Variants in PAK2 observed in about 807,000 individuals in gnomAD.
PAK2 encodes the protein serine/threonine-protein kinase PAK 2.
In PAK2, 21 loss-of-function variants were observed where a neutral mutation model predicts 65.9. The observed-to-expected ratio is 0.32, with a 90% CI of 0.23 to 0.46. The LOEUF (loss-of-function observed/expected upper bound fraction) is 0.46, where lower values mean the gene tolerates loss of function less well. Ranked by LOEUF, PAK2 falls within the 20% of genes least tolerant of loss-of-function variation. The probability of loss-of-function intolerance (pLI) is 1.00; values close to 1 mark genes in which losing one functional copy is unlikely to be tolerated. For missense variants in PAK2, 324 were observed against 642.6 expected (o/e 0.50, Z 5.36); for synonymous variants, 204 against 219.7 (o/e 0.93, Z 0.63).
intron 5 of PAK2, 91 bp from the exon 6 acceptor site, chr3:196,806,488 A>G (rs1715587889): frequency 1.3e-6 from 1 of 765,442 alleles, no homozygotes; most frequent in African/African-American, 1.7e-5. Context: ...CTATCAAAGA[A>G]GCAAACTTTT....
intron 7 of PAK2, 131 bp downstream of exon 7, chr3:196,808,045 C>CA: frequency 1.3e-6 from 1 of 782,458 alleles, no homozygotes; most frequent in Non-Finnish European, 2.0e-6. Context: ...CTTATAGCAA[C>CA]AGTAGCTTCA....
chr3:196,773,730 A>T (rs529392683), intron 1 of PAK2, among the ~76,000 whole-genome samples: 1 of 152,210 alleles, frequency 6.6e-6, no homozygotes, highest in South Asian at 2.1e-4. Context: ...TACAAAAATT[A>T]GCCAGACGTG....
At chr3:196,757,451 G>C (rs1713806002) in intron 1 of PAK2, among the ~76,000 whole-genome samples, 1 of 152,176 alleles carries the variant, frequency 6.6e-6, no homozygotes, top group Non-Finnish European at 1.5e-5. Context: ...TCCCTGCTTA[G>C]TAACTTCTAG....
chr3:196,769,590 T>C (rs1190540020), intron 1 of PAK2, among the ~76,000 whole-genome samples: 3 of 150,790 alleles, frequency 2.0e-5, no homozygotes, highest in Admixed American at 2.0e-4. Context: ...GGCGGGCGGA[T>C]CACGAGGTCA....
intron 1 of PAK2, among the ~76,000 whole-genome samples, chr3:196,759,474 G>A (rs1448428787): frequency 1.5e-5 from 2 of 136,330 alleles, no homozygotes; most frequent in Admixed American, 7.7e-5. Context: ...ACCCTTTAAG[G>A]TATACAGTTA....
At chr3:196,823,231 T>G (rs1711711400) in intron 13 of PAK2, among the ~76,000 whole-genome samples, 1 of 151,744 alleles carries the variant, frequency 6.6e-6, no homozygotes, top group Non-Finnish European at 1.5e-5. Flanking sequence ...GTGGTGTGAG[T>G]CTGGATGTAT....
At chr3:196,769,236 G>A (rs1714281418) in intron 1 of PAK2, among the ~76,000 whole-genome samples, 1 of 151,728 alleles carries the variant, frequency 6.6e-6, no homozygotes, top group South Asian at 2.1e-4. Flanking sequence ...TGAGGTGGGA[G>A]GATTACTTGA....
chr3:196,752,390 A>T (rs1047614916), intron 1 of PAK2, among the ~76,000 whole-genome samples: 1 of 152,122 alleles, frequency 6.6e-6, no homozygotes, highest in African/African-American at 2.4e-5. Context: ...TTGAAAAAAA[A>T]TTTTCTGATC....
chr3:196,826,160 TTTTG>T lies in PAK2; in HGVS notation c.1351-1016_1351-1013del, dbSNP rs200292124. Among the ~76,000 whole-genome samples, 449 of 151,444 alleles carry T rather than the reference TTTTG, an allele frequency of 3.0e-3. 2 individuals carry two copies. Among genetic ancestry groups the T allele is most frequent in the African/African-American group, 9.6e-3 (397 of 41,250 alleles). ...AGCCACCATGCCCAGCCTAATTTGT[TTTTG>T]TTTGTTTGTTTGTTTGTTTATTTTT... is the stretch of plus-strand genomic sequence containing the variant. On this transcript the variant is annotated intron_variant, in intron 13 of 14. Transcript: ENST00000327134.
At chr3:196,812,646 G>A (rs768834529) in intron 9 of PAK2, 93 bp from the exon 10 acceptor site, 5 of 656,876 alleles carry the variant, frequency 7.6e-6, no homozygotes, top group Non-Finnish European at 1.4e-5. Context: ...GTGTAATACA[G>A]TACACGTACC....
chr3:196,803,162 C>G lies in PAK2; in HGVS notation c.434C>G (p.Pro145Arg). Residue 145 changes from proline to arginine, a missense_variant and splice_region_variant, in exon 4 of 15, where the codon CCT (proline) becomes CGT (arginine). Around this residue, in one of 5 missense-constraint regions of PAK2, gnomAD observed 183 missense variants for 246.2 expected, o/e 0.74. Coordinates refer to ENST00000327134, the MANE Select transcript of PAK2 (RefSeq NM_002577.4). ...CAGAAATATCTGAGCTTTACTCCTC[C>G]TGGTAAGAGAGTGGCATAAGGCTGG... Reference protein sequence around the residue: ...VKQKYLSFTPPEKDGFPSGTP... With the variant: ...VKQKYLSFTPREKDGFPSGTP... 6.2e-7 allele frequency: 1 copy of G among 1,602,868 alleles called. No homozygotes were observed. Among genetic ancestry groups the G allele is most frequent in the Non-Finnish European group, 8.5e-7 (1 of 1,175,834 alleles).
chr3:196,811,102 C>A lies in PAK2; in HGVS notation c.773+449C>A, dbSNP rs1715770331. Among the ~76,000 whole-genome samples the A allele has an allele frequency of 2.6e-5, 4 of 151,848 alleles. No individual in the cohort carries two copies. In the South Asian group the frequency reaches 8.3e-4, roughly 31 times the overall value. ...TTTCTGTTGCTTGGAAGCAAATAAACACCTAAATTTTTAATGTTATTAAAC... is the reference window on the plus strand; with the variant it reads ...TTTCTGTTGCTTGGAAGCAAATAAAAACCTAAATTTTTAATGTTATTAAAC... On this transcript the variant is annotated intron_variant, in intron 8 of 14. Coordinates refer to ENST00000327134, the MANE Select transcript of PAK2 (RefSeq NM_002577.4).
intron 2 of PAK2, among the ~76,000 whole-genome samples, chr3:196,793,546 T>C (rs1011111124): frequency 2.0e-5 from 3 of 152,036 alleles, no homozygotes; most frequent in Non-Finnish European, 2.9e-5. Flanking sequence ...CCGACATTTA[T>C]GAAAAACCCT....
intron 7 of PAK2, among the ~76,000 whole-genome samples, chr3:196,809,463 C>T (rs991278379): frequency 6.8e-6 from 1 of 147,174 alleles, no homozygotes; most frequent in African/African-American, 2.5e-5. Flanking sequence ...TCTGCCTCAG[C>T]CTCCCGAGTA....
chr3:196,786,741 T>C (rs1714901388), intron 2 of PAK2, among the ~76,000 whole-genome samples: 1 of 152,200 alleles, frequency 6.6e-6, no homozygotes, highest in South Asian at 2.1e-4. Flanking sequence ...AGTCTGTTTC[T>C]GTGTTCTCTG....
chr3:196,764,266 G>A (rs541051962), intron 1 of PAK2, among the ~76,000 whole-genome samples: 31 of 152,110 alleles, frequency 2.0e-4, no homozygotes, highest in South Asian at 4.1e-4. Flanking sequence ...ACATTTTAGC[G>A]CTCTTCAAGT....
intron 2 of PAK2, among the ~76,000 whole-genome samples, chr3:196,786,810 T>C (rs1714903287): frequency 6.6e-6 from 1 of 151,366 alleles, no homozygotes; most frequent in Non-Finnish European, 1.5e-5. Flanking sequence ...CTGTCTTGAT[T>C]ACTATATCTT....
At chr3:196,754,007 T>G (rs954183354) in intron 1 of PAK2, among the ~76,000 whole-genome samples, 1 of 152,214 alleles carries the variant, frequency 6.6e-6, no homozygotes, top group Non-Finnish European at 1.5e-5. Context: ...TGTGAACTGC[T>G]CAAAAGTTTG....
intron 1 of PAK2, among the ~76,000 whole-genome samples, chr3:196,760,276 C>T (rs554809639): frequency 2.6e-5 from 4 of 152,040 alleles, no homozygotes; most frequent in African/African-American, 4.8e-5. Context: ...TTTGAGACAG[C>T]GTCTTGCACT....
Sources: allele counts gnomAD v4.1 joint callset (sites outside exome capture counted in the v4.1 genomes callset), GRCh38; gene constraint gnomAD v4.1.1; regional missense constraint gnomAD v4.1.1; transcripts MANE v1.5; gene names NCBI Gene and HGNC (gene_info 2026-07-23, HGNC 2026-07-21).